ALK: variants seen among roughly 807,000 people sequenced by gnomAD.
ALK encodes the protein ALK tyrosine kinase receptor.
In ALK, 74 loss-of-function variants were observed where a neutral mutation model predicts 163.1. That is an observed-to-expected ratio of 0.45 (90% CI 0.38 to 0.55). The LOEUF (loss-of-function observed/expected upper bound fraction) is 0.55, where lower values mean the gene tolerates loss of function less well. Among genes scored for constraint, ALK ranks in the 20% least tolerant of loss-of-function variants. The pLI is 0.00. For synonymous variants in ALK, 960 were observed against 843.2 expected (o/e 1.14, Z -2.40); for missense variants, 2,063 against 2,105.3 (o/e 0.98, Z 0.39).
intron 3 of ALK, among the ~76,000 whole-genome samples, chr2:29,682,910 T>C (rs998120728): frequency 1.3e-5 from 2 of 152,086 alleles, no homozygotes; most frequent in Non-Finnish European, 2.9e-5. Flanking sequence ...GTCATGGTGC[T>C]CCAGAAAAGA....
chr2:29,917,302 C>G (rs1182147311), intron 1 of ALK, among the ~76,000 whole-genome samples: 2 of 152,122 alleles, frequency 1.3e-5, no homozygotes, highest in Non-Finnish European at 2.9e-5. Flanking sequence ...TGGGCAGACA[C>G]AGGAAGAAAA....
At chr2:29,388,181 C>A (rs1028181925) in intron 4 of ALK, among the ~76,000 whole-genome samples, 3 of 152,180 alleles carry the variant, frequency 2.0e-5, no homozygotes, top group African/African-American at 4.8e-5. Context: ...ACATCTGATA[C>A]AAGGCAAGCC....
At chr2:29,771,389 C>G (rs114768048) in intron 1 of ALK, among the ~76,000 whole-genome samples, 1 of 152,284 alleles carries the variant, frequency 6.6e-6, no homozygotes, top group African/African-American at 2.4e-5. Context: ...AGCTTCTAGA[C>G]AGAGAAAGAT....
chr2:29,594,459 T>C (rs1675145843), intron 3 of ALK, among the ~76,000 whole-genome samples: 1 of 150,054 alleles, frequency 6.7e-6, no homozygotes, highest in Admixed American at 6.7e-5. Context: ...GATGGAGTTT[T>C]GCTCTGTCAC....
At chr2:29,782,431 CT>C (rs1470810593) in intron 1 of ALK, among the ~76,000 whole-genome samples, 1 of 152,174 alleles carries the variant, frequency 6.6e-6, no homozygotes, top group Non-Finnish European at 1.5e-5. Flanking sequence ...CTTCCAGGGG[CT>C]GCAGGAATAA....
chr2:29,856,652 G>A (rs536785305), intron 1 of ALK, among the ~76,000 whole-genome samples: 1 of 152,334 alleles, frequency 6.6e-6, no homozygotes, highest in Admixed American at 6.5e-5. Context: ...GTCAAGTGGT[G>A]CCATCCTCTG....
chr2:29,242,478 A>C (rs1664548610), intron 12 of ALK, among the ~76,000 whole-genome samples: 1 of 151,844 alleles, frequency 6.6e-6, no homozygotes, highest in Admixed American at 6.6e-5. Context: ...TTTGTTCCTG[A>C]CTCCTTTTAC....
intron 5 of ALK, among the ~76,000 whole-genome samples, chr2:29,336,653 T>C (rs12465220): frequency 0.48 from 72,969 of 152,102 alleles, 17,713 homozygotes; most frequent in South Asian, 0.54. Context: ...CAGAAACCCA[T>C]GCATCCTCTG....
intron 3 of ALK, among the ~76,000 whole-genome samples, chr2:29,661,477 T>C (rs140976533): frequency 1.3e-5 from 2 of 152,356 alleles, no homozygotes; most frequent in African/African-American, 4.8e-5. Context: ...GAATAGTTTA[T>C]GTCAATGTTG....
chr2:29,798,061 T>C (rs59170569), intron 1 of ALK, among the ~76,000 whole-genome samples: 9,067 of 152,224 alleles, frequency 0.06, 663 homozygotes, highest in African/African-American at 0.17. Flanking sequence ...CTATTTGGTG[T>C]TGCCATCAAC....
chr2:29,831,011 AGGG>A (rs1421994252), intron 1 of ALK, among the ~76,000 whole-genome samples: 14 of 40,590 alleles, frequency 3.4e-4, no homozygotes, highest in African/African-American at 9.6e-4. Context: ...AAGAAGAAGA[AGGG>A]GAAGAGGAAG....
rs545876740 is a variant in ALK, at chr2:29,607,088, T to C, written c.953-74972A>G. 7.2e-5 allele frequency among the ~76,000 whole-genome samples: 11 copies of C among 152,340 alleles called. 1 individual carries two copies. The South Asian group carries it at 2.3e-3, about 32-fold the overall frequency. On this transcript the variant is annotated intron_variant, in intron 3 of 28. Transcript: ENST00000389048. ...ACACCAATCTTGTTGCTTATTACTGTTCTTTGAATTGATTTTCTATTGTTT... is the reference window on the plus strand; with the variant it reads ...ACACCAATCTTGTTGCTTATTACTGCTCTTTGAATTGATTTTCTATTGTTT...
At chr2:29,300,620 G>A (rs942394293) in intron 8 of ALK, among the ~76,000 whole-genome samples, 26 of 152,016 alleles carry the variant, frequency 1.7e-4, no homozygotes, top group African/African-American at 6.3e-4. Flanking sequence ...CCATGGTGGA[G>A]GGGATGAGGA....
chr2:29,332,321 A>G (rs1188244946), intron 5 of ALK, among the ~76,000 whole-genome samples: 2 of 146,090 alleles, frequency 1.4e-5, no homozygotes, highest in African/African-American at 5.1e-5. Context: ...AAAAAAAAAA[A>G]AAAGTCTATG....
At chr2:29,690,125 T>G (rs1018378991) in intron 3 of ALK, among the ~76,000 whole-genome samples, 1 of 152,170 alleles carries the variant, frequency 6.6e-6, no homozygotes, top group African/African-American at 2.4e-5. Context: ...GCATCAAAAA[T>G]TTGAATGACC....
At chr2:29,882,651 G>T (rs369794986) in intron 1 of ALK, among the ~76,000 whole-genome samples, 1 of 152,128 alleles carries the variant, frequency 6.6e-6, no homozygotes, top group Non-Finnish European at 1.5e-5. Context: ...CCGAGATTGC[G>T]CCACTGCACT....
rs529643447 is a variant in ALK, at chr2:29,315,195, G to A, written c.1647+3109C>T. Among the ~76,000 whole-genome samples the A allele has an allele frequency of 6.5e-4, 99 of 151,548 alleles. 1 individual carries two copies. Among genetic ancestry groups the A allele is most frequent in the Non-Finnish European group, 1.4e-3 (93 of 68,008 alleles). On this transcript the variant is annotated intron_variant, in intron 8 of 28. Coordinates refer to ENST00000389048, the MANE Select transcript of ALK (RefSeq NM_004304.5). The stretch of plus-strand genomic sequence containing the variant: ...AGAGGTCTTTAAATATTCATGCCCC[G>A]TGTGTAACTGTGCAGAGAGATAGGA...
chr2:29,598,844 A>C (rs1425463708), intron 3 of ALK, among the ~76,000 whole-genome samples: 1 of 152,184 alleles, frequency 6.6e-6, no homozygotes, highest in East Asian at 1.9e-4. Context: ...TTTATGACTG[A>C]GAGAAATAAA....
chr2:29,870,243 A>G (rs1335284653), intron 1 of ALK, among the ~76,000 whole-genome samples: 1 of 152,204 alleles, frequency 6.6e-6, no homozygotes, highest in African/African-American at 2.4e-5. Flanking sequence ...GAGGTTTAAT[A>G]AGCTCATAGT....
Sources: gnomAD v4.1 joint callset for allele counts (sites outside exome capture counted in the v4.1 genomes callset) on GRCh38, gnomAD v4.1.1 for gene constraint, MANE v1.5 for transcripts, NCBI Gene and HGNC (gene_info 2026-07-23, HGNC 2026-07-21) for gene names.